The following VOPP1 variants were observed in gnomAD, a reference collection of about 807,000 sequenced individuals.
VOPP1 encodes WW domain binding protein VOPP1.
Under a neutral mutation model 23.5 loss-of-function variants are expected in VOPP1, and 8 were observed. The observed-to-expected ratio is 0.34, with a 90% CI of 0.20 to 0.61. VOPP1 has a LOEUF of 0.61. Among genes scored for constraint, VOPP1 ranks in the 20% least tolerant of loss-of-function variants. The pLI, the probability that VOPP1 is intolerant of heterozygous loss-of-function variation, is 0.78. For synonymous variants in VOPP1, 83 were observed against 97.3 expected (o/e 0.85, Z 0.86); for missense variants, 174 against 238.1 (o/e 0.73, Z 1.77).
At chr7:55,515,958 T>C in intron 2 of VOPP1, 1 of 985,452 alleles carries the variant, frequency 1.0e-6, no homozygotes, top group Middle Eastern at 5.2e-4. Context: ...ATCTCTGGGC[T>C]CCAGGAAGCT....
At chr7:55,467,998 G>A (rs565438032), downstream of VOPP1, among the ~76,000 whole-genome samples, 7 of 152,224 alleles carry the variant, frequency 4.6e-5, no homozygotes, top group African/African-American at 1.7e-4. Flanking sequence ...CCCTGGCTGG[G>A]GGCAGTGGCT....
At chr7:55,452,477 T>C (rs1205095082) in intron 4 of VOPP1, among the ~76,000 whole-genome samples, 2 of 152,186 alleles carry the variant, frequency 1.3e-5, no homozygotes, top group African/African-American at 2.4e-5. Context: ...GCATCTAGAA[T>C]AGTAAATCCT....
At chr7:55,455,725 G>A (rs1013732445) in intron 4 of VOPP1, among the ~76,000 whole-genome samples, 3 of 152,184 alleles carry the variant, frequency 2.0e-5, no homozygotes, top group African/African-American at 7.2e-5. Context: ...TTTAATAAAT[G>A]GTGTTGAGAA....
intron 4 of VOPP1, among the ~76,000 whole-genome samples, chr7:55,474,137 A>C (rs538180847): frequency 6.6e-6 from 1 of 152,308 alleles, no homozygotes; most frequent in Non-Finnish European, 1.5e-5. Context: ...CACAGATGCC[A>C]CCCTGTGTGA....
At chr7:55,520,585 A>G (rs1156306072) in intron 2 of VOPP1, among the ~76,000 whole-genome samples, 1 of 152,258 alleles carries the variant, frequency 6.6e-6, no homozygotes, top group Admixed American at 6.5e-5. Context: ...AAGAGCCATG[A>G]GAGGCTGTGA....
At chr7:55,492,978 G>A (rs531768946) in intron 3 of VOPP1, 1 of 152,170 alleles carries the variant, frequency 6.6e-6, no homozygotes, top group Non-Finnish European at 1.5e-5. Flanking sequence ...GAGAAACTAT[G>A]GGAATAGAAA....
At chr7:55,479,586 G>C (rs1217656570) in intron 4 of VOPP1, among the ~76,000 whole-genome samples, 1 of 152,118 alleles carries the variant, frequency 6.6e-6, no homozygotes, top group Non-Finnish European at 1.5e-5. Flanking sequence ...TCTCCTTCCT[G>C]ATGGTTGAAT....
At chr7:55,564,243 G>GTCTCTGTCTCTGTCTCTC (rs1554302403) in intron 1 of VOPP1, among the ~76,000 whole-genome samples, 4 of 125,896 alleles carry the variant, frequency 3.2e-5, no homozygotes, top group East Asian at 2.3e-4. Flanking sequence ...CTCTGTCTCT[G>GTCTCTGTCTCTGTCTCTC]TCTCTCTCTC....
intron 3 of VOPP1, among the ~76,000 whole-genome samples, chr7:55,495,935 G>C (rs1793918714): frequency 6.6e-6 from 1 of 152,174 alleles, no homozygotes; most frequent in Admixed American, 6.5e-5. Flanking sequence ...TGGGACTTGT[G>C]GGAGCTTCTC....
chr7:55,490,509 G>A (rs977083918), intron 4 of VOPP1, among the ~76,000 whole-genome samples: 4 of 152,190 alleles, frequency 2.6e-5, no homozygotes, highest in African/African-American at 7.2e-5. Flanking sequence ...CAGTTCACAT[G>A]AGTGGTAGAC....
chr7:55,453,379 A>C (rs965287531), intron 4 of VOPP1, among the ~76,000 whole-genome samples: 2 of 152,218 alleles, frequency 1.3e-5, no homozygotes, highest in African/African-American at 4.8e-5. Context: ...AGCCTGTTTC[A>C]GCTTTTGACA....
intron 4 of VOPP1, among the ~76,000 whole-genome samples, chr7:55,445,659 T>A (rs1280616228): frequency 6.6e-6 from 1 of 152,178 alleles, no homozygotes; most frequent in African/African-American, 2.4e-5. Context: ...GCTTCTCCTT[T>A]ATGGGTTTGT....
At chr7:55,498,366 G>A (rs62457896) in intron 2 of VOPP1, among the ~76,000 whole-genome samples, 26,271 of 152,102 alleles carry the variant, frequency 0.17, 2,390 homozygotes, top group Middle Eastern at 0.24. Context: ...TGAGGTTTCC[G>A]GGCCCCTGGC....
At chr7:55,568,181 G>A (rs548813223) in intron 1 of VOPP1, among the ~76,000 whole-genome samples, 58 of 146,578 alleles carry the variant, frequency 4.0e-4, no homozygotes, top group African/African-American at 1.4e-3. Flanking sequence ...CCGGGTTCAC[G>A]CCATTCTCCA....
intron 1 of VOPP1, among the ~76,000 whole-genome samples, chr7:55,569,209 C>T (rs1254676984): frequency 1.3e-5 from 2 of 152,176 alleles, no homozygotes; most frequent in Admixed American, 6.5e-5. Context: ...CAGCTGCTGC[C>T]GGTTCCTCCC....
chr7:55,477,238 G>T (rs1414387807), intron 4 of VOPP1, among the ~76,000 whole-genome samples: 1 of 152,214 alleles, frequency 6.6e-6, no homozygotes, highest in African/African-American at 2.4e-5. Context: ...AGTATGGTAT[G>T]ATTTTCTGAG....
chr7:55,495,123 T>C (rs535335836), intron 3 of VOPP1, among the ~76,000 whole-genome samples: 2 of 152,028 alleles, frequency 1.3e-5, no homozygotes, highest in South Asian at 2.1e-4. Flanking sequence ...GTGCAAGCCC[T>C]GCCCAGACCC....
chr7:55,532,830 C>T (rs1303960824), intron 1 of VOPP1, among the ~76,000 whole-genome samples: 2 of 152,178 alleles, frequency 1.3e-5, no homozygotes, highest in African/African-American at 2.4e-5. Flanking sequence ...CACACCCCCT[C>T]AATTCTAGTA....
At chr7:55,455,330 C>T (rs749062519) in intron 4 of VOPP1, among the ~76,000 whole-genome samples, 1 of 152,184 alleles carries the variant, frequency 6.6e-6, no homozygotes, top group Non-Finnish European at 1.5e-5. Context: ...AAAAACATTC[C>T]ATGCTCATGG....
Sources: gnomAD v4.1 joint callset for allele counts (sites outside exome capture counted in the v4.1 genomes callset) on GRCh38, gnomAD v4.1.1 for gene constraint, MANE v1.5 for transcripts, NCBI Gene and HGNC (gene_info 2026-07-23, HGNC 2026-07-21) for gene names.